The following TBC1D22A variants were observed in gnomAD, a reference collection of about 807,000 sequenced individuals.
TBC1D22A encodes the protein putative GTPase activator.
In TBC1D22A, 38 loss-of-function variants were observed where a neutral mutation model predicts 60.2. The ratio of observed to expected loss-of-function variants is 0.63; its 90% CI spans 0.49 to 0.83. The LOEUF (loss-of-function observed/expected upper bound fraction) is 0.83. Among genes scored for constraint, TBC1D22A ranks in the 40% least tolerant of loss-of-function variants. TBC1D22A has a pLI of 0.00. For synonymous variants in TBC1D22A, 302 were observed against 281.7 expected (o/e 1.07, Z -0.72); for missense variants, 628 against 701.0 (o/e 0.90, Z 1.18).
At chr22:47,097,411 C>T (rs867642730) in intron 11 of TBC1D22A, among the ~76,000 whole-genome samples, 5 of 152,134 alleles carry the variant, frequency 3.3e-5, no homozygotes, top group South Asian at 4.2e-4. Flanking sequence ...GTCAGGAGAT[C>T]GAGACCAGCC....
intron 8 of TBC1D22A, chr22:46,913,212 CA>C: frequency 2.0e-5 from 12 of 588,764 alleles, no homozygotes; most frequent in Non-Finnish European, 3.1e-5. Flanking sequence ...ATGGATAAAA[CA>C]TAAATAGGAA....
At chr22:46,782,200 G>A (rs1023543337) in intron 1 of TBC1D22A, among the ~76,000 whole-genome samples, 13 of 152,198 alleles carry the variant, frequency 8.5e-5, no homozygotes, top group African/African-American at 9.6e-5. Context: ...GACTACAGGC[G>A]TGCACCATCA....
intron 8 of TBC1D22A, among the ~76,000 whole-genome samples, chr22:46,941,184 A>AAT (rs1191629256): frequency 1.8e-4 from 18 of 98,498 alleles, no homozygotes; most frequent in African/African-American, 6.3e-4. Context: ...GGGACACTAG[A>AAT]ATATATATAT....
intron 1 of TBC1D22A, among the ~76,000 whole-genome samples, chr22:46,776,941 G>A (rs1009164933): frequency 1.3e-5 from 2 of 152,024 alleles, no homozygotes; most frequent in Non-Finnish European, 2.9e-5. Context: ...CCCATCCTCT[G>A]ATGGGCACAG....
At position 47,090,627 on chromosome 22, in the gene TBC1D22A, G is replaced by A. The variant is rs62225151; in HGVS notation, c.1330-20881G>A. On this transcript the variant is annotated intron_variant, in intron 11 of 12. Transcript: ENST00000337137. ...CCTCTGCTTCCTCAGCGTCCCCTTC[G>A]TTTGCTTGCTCCAGGTCTGGGTCGG... Among the ~76,000 whole-genome samples, 962 of 152,306 alleles carry A rather than the reference G, an allele frequency of 6.3e-3. 7 individuals carry two copies. The highest frequency in any genetic ancestry group is 1.0e-2 in the Non-Finnish European group (677 of 68,022).
intron 12 of TBC1D22A, among the ~76,000 whole-genome samples, chr22:47,147,726 C>T (rs925183934): frequency 2.6e-5 from 4 of 152,232 alleles, no homozygotes; most frequent in African/African-American, 9.6e-5. Flanking sequence ...CCTGGTCTGT[C>T]CTTAAGGGTA....
intron 11 of TBC1D22A, among the ~76,000 whole-genome samples, chr22:47,104,126 G>A (rs1362691857): frequency 6.6e-6 from 1 of 151,988 alleles, no homozygotes; most frequent in Non-Finnish European, 1.5e-5. Flanking sequence ...CCAATATGGT[G>A]CAACCCTGTC....
At chr22:47,111,844 C>T (rs1356381988) in intron 12 of TBC1D22A, among the ~76,000 whole-genome samples, 1 of 152,228 alleles carries the variant, frequency 6.6e-6, no homozygotes, top group Non-Finnish European at 1.5e-5. Context: ...GGCTGTGTGA[C>T]AAGCTCCCTG....
intron 10 of TBC1D22A, among the ~76,000 whole-genome samples, chr22:47,025,208 A>G (rs1030979127): frequency 1.1e-4 from 16 of 152,232 alleles, no homozygotes; most frequent in East Asian, 9.6e-4. Flanking sequence ...TAGAACAAGT[A>G]GAAAATCAGG....
chr22:46,793,337 C>G (rs929394599), intron 2 of TBC1D22A, among the ~76,000 whole-genome samples, 164 bp from the exon 3 acceptor site: 2 of 152,258 alleles, frequency 1.3e-5, no homozygotes, highest in African/African-American at 4.8e-5. Context: ...TTCGCCTGCT[C>G]TTCTTTTGGC....
At chr22:46,830,851 G>A (rs941630110) in intron 4 of TBC1D22A, among the ~76,000 whole-genome samples, 1 of 152,214 alleles carries the variant, frequency 6.6e-6, no homozygotes, top group African/African-American at 2.4e-5. Context: ...ATTTATAGCT[G>A]CCTGTGCCGA....
At chr22:47,071,708 T>C (rs2063997956) in intron 11 of TBC1D22A, among the ~76,000 whole-genome samples, 1 of 152,236 alleles carries the variant, frequency 6.6e-6, no homozygotes. Flanking sequence ...GCTTTATGGC[T>C]GTGGTTTGTT....
At chr22:47,169,282 T>C (rs548647978) in intron 12 of TBC1D22A, among the ~76,000 whole-genome samples, 2 of 151,910 alleles carry the variant, frequency 1.3e-5, no homozygotes, top group Non-Finnish European at 2.9e-5. Context: ...GGTTGCCTGG[T>C]GGAAAGCGTG....
chr22:47,024,401 C>T (rs2062186290), intron 10 of TBC1D22A, among the ~76,000 whole-genome samples: 2 of 152,182 alleles, frequency 1.3e-5, no homozygotes, highest in Non-Finnish European at 1.5e-5. Context: ...ATGATCTAGA[C>T]ACTTTAATTA....
intron 10 of TBC1D22A, among the ~76,000 whole-genome samples, chr22:47,030,382 G>A (rs1269718062): frequency 2.6e-5 from 4 of 152,142 alleles, no homozygotes; most frequent in African/African-American, 9.7e-5. Flanking sequence ...TTCCATTTTA[G>A]CCTAAATCCT....
chr22:47,168,810 G>A (rs561677489), intron 12 of TBC1D22A, among the ~76,000 whole-genome samples: 12 of 152,194 alleles, frequency 7.9e-5, no homozygotes, highest in South Asian at 2.1e-4. Flanking sequence ...ACTAGGATTC[G>A]TTTGACTCAG....
intron 8 of TBC1D22A, among the ~76,000 whole-genome samples, chr22:46,962,622 C>T (rs777698601): frequency 2.0e-5 from 3 of 152,262 alleles, no homozygotes; most frequent in Middle Eastern, 3.4e-3. Flanking sequence ...AGTAGGGGTG[C>T]GGCTGTGTAG....
At chr22:46,961,260 G>T (rs1026363130) in intron 8 of TBC1D22A, among the ~76,000 whole-genome samples, 5 of 152,116 alleles carry the variant, frequency 3.3e-5, no homozygotes, top group Non-Finnish European at 5.9e-5. Flanking sequence ...AATCAGTCAA[G>T]AACTTTGGAA....
intron 12 of TBC1D22A, among the ~76,000 whole-genome samples, chr22:47,149,043 T>C (rs1461688575): frequency 2.6e-5 from 4 of 152,016 alleles, no homozygotes; most frequent in Non-Finnish European, 5.9e-5. Flanking sequence ...TAGGCAGAGA[T>C]AAGGGAGAGA....
Sources: allele counts gnomAD v4.1 joint callset (sites outside exome capture counted in the v4.1 genomes callset), GRCh38; gene constraint gnomAD v4.1.1; transcripts MANE v1.5; gene names NCBI Gene and HGNC (gene_info 2026-07-23, HGNC 2026-07-21).